Variants in STT3B observed in about 807,000 individuals in gnomAD.
STT3B encodes the protein dolichyl-diphosphooligosaccharide--protein glycosyltransferase subunit STT3B.
In STT3B, 29 loss-of-function variants were observed where a neutral mutation model predicts 96.8. The ratio of observed to expected loss-of-function variants is 0.30; its 90% confidence interval spans 0.22 to 0.41. STT3B has a LOEUF of 0.41. Among genes scored for constraint, STT3B ranks in the 10% least tolerant of loss-of-function variants. The pLI is 1.00. For synonymous variants in STT3B, 367 were observed against 360.0 expected (o/e 1.02, Z -0.22); for missense variants, 640 against 1,022.3 (o/e 0.63, Z 5.10).
intron 1 of STT3B, among the ~76,000 whole-genome samples, chr3:31,550,773 G>T (rs1300420288): frequency 2.0e-5 from 3 of 151,448 alleles, no homozygotes; most frequent in Non-Finnish European, 2.9e-5. Context: ...AATTTAGGCT[G>T]TTTTTTTCGT....
intron 4 of STT3B, among the ~76,000 whole-genome samples, chr3:31,599,328 G>A (rs1698871130): frequency 6.6e-6 from 1 of 152,098 alleles, no homozygotes; most frequent in Non-Finnish European, 1.5e-5. Flanking sequence ...GGCACATTCT[G>A]GGTAGTTGTA....
chr3:31,623,920 C>A, intron 11 of STT3B, 59 bp downstream of exon 11: 1 of 1,332,796 alleles, frequency 7.5e-7, no homozygotes, highest in South Asian at 1.5e-5. Context: ...TTCGTTGTCT[C>A]AAAGGATATA....
At chr3:31,566,747 T>G (rs979184860) in intron 1 of STT3B, among the ~76,000 whole-genome samples, 9 of 152,182 alleles carry the variant, frequency 5.9e-5, no homozygotes, top group Non-Finnish European at 1.0e-4. Flanking sequence ...TTTTACTCTT[T>G]TATTTATCTG....
Position 31,623,939 on chromosome 3 carries a change from A to G in STT3B, c.1727+78A>G, listed in dbSNP as rs1399543084. On this transcript the variant is annotated intron_variant, in intron 11 of 15. Transcript: ENST00000295770. Reference sequence around the variant, plus strand: ...TTGTCTCAAAGGATATAATTAAAAAATAGAATGTTGTTTGTGAGATTCTGC... The same window carrying G: ...TTGTCTCAAAGGATATAATTAAAAAGTAGAATGTTGTTTGTGAGATTCTGC... 3.3e-5 allele frequency: 41 copies of G among 1,236,960 alleles called. 1 individual carries two copies. In the South Asian group the frequency reaches 6.0e-4, roughly 18 times the overall value. The allele number at this position is 1,236,960 out of a possible 1,614,324, so 76.6% of individuals were successfully genotyped here. A position where few individuals can be genotyped will look rare whatever the true frequency, so the allele number is the denominator to read the frequency against.
At chr3:31,543,279 A>G (rs927359345) in intron 1 of STT3B, among the ~76,000 whole-genome samples, 2 of 152,230 alleles carry the variant, frequency 1.3e-5, no homozygotes, top group East Asian at 3.9e-4. Flanking sequence ...ACTCAAGGAG[A>G]CTTAAGTTAT....
chr3:31,622,328 G>A lies in STT3B; in HGVS notation c.1539+20G>A. 3 of 1,592,080 alleles carry A rather than the reference G, an allele frequency of 1.9e-6. No homozygotes were observed. Among genetic ancestry groups the A allele is most frequent in the Middle Eastern group, 1.7e-4 (1 of 6,020 alleles). On this transcript the variant is annotated intron_variant, in intron 10 of 15. Transcript: ENST00000295770. Reference sequence around the variant, plus strand: ...GATAAGGTGGGGAATCTAAAGTAAGGCCTTTAAATTGTCTATGTCCTTTCT... The same window carrying A: ...GATAAGGTGGGGAATCTAAAGTAAGACCTTTAAATTGTCTATGTCCTTTCT...
At chr3:31,534,389 G>A (rs1264616223) in intron 1 of STT3B, among the ~76,000 whole-genome samples, 1 of 152,130 alleles carries the variant, frequency 6.6e-6, no homozygotes, top group Non-Finnish European at 1.5e-5. Flanking sequence ...TGCCCAACCC[G>A]AGTTAGGATT....
At chr3:31,627,550 A>G (rs951971459) in intron 13 of STT3B, among the ~76,000 whole-genome samples, 4 of 152,240 alleles carry the variant, frequency 2.6e-5, no homozygotes, top group African/African-American at 4.8e-5. Context: ...TGAAGGCACA[A>G]AAGATAAGAG....
intron 1 of STT3B, among the ~76,000 whole-genome samples, chr3:31,549,043 A>T (rs927186153): frequency 2.6e-5 from 4 of 151,470 alleles, no homozygotes; most frequent in Non-Finnish European, 5.9e-5. Context: ...TAAGATTTTA[A>T]TTTTTTTTTA....
At chr3:31,611,422 A>G (rs1197956212) in intron 5 of STT3B, among the ~76,000 whole-genome samples, 2 of 152,234 alleles carry the variant, frequency 1.3e-5, no homozygotes, top group Non-Finnish European at 2.9e-5. Flanking sequence ...TTGAAGAGGT[A>G]ATTTCTAAAC....
At chr3:31,601,295 A>G (rs1698921844) in intron 5 of STT3B, among the ~76,000 whole-genome samples, 1 of 152,230 alleles carries the variant, frequency 6.6e-6, no homozygotes. Context: ...AAAAATGAAG[A>G]CAACCCAAAT....
At chr3:31,587,617 T>C (rs1349874860) in intron 3 of STT3B, among the ~76,000 whole-genome samples, 1 of 152,106 alleles carries the variant, frequency 6.6e-6, no homozygotes, top group Non-Finnish European at 1.5e-5. Flanking sequence ...TATTGCTGAA[T>C]AATATTCCAG....
intron 3 of STT3B, among the ~76,000 whole-genome samples, chr3:31,594,697 G>A (rs762267890): frequency 1.3e-5 from 2 of 152,186 alleles, no homozygotes; most frequent in African/African-American, 2.4e-5. Flanking sequence ...TGGAATTACA[G>A]GCATGAGCCA....
intron 15 of STT3B, 133 bp from the exon 16 acceptor site, chr3:31,635,851 T>C: frequency 1.7e-6 from 1 of 604,718 alleles, no homozygotes; most frequent in South Asian, 2.6e-5. Flanking sequence ...CACTGAACTA[T>C]TCAAGGAATC....
At chr3:31,624,687 T>TA (rs1403151315) in intron 11 of STT3B, among the ~76,000 whole-genome samples, 1 of 146,456 alleles carries the variant, frequency 6.8e-6, no homozygotes, top group Non-Finnish European at 1.5e-5. Context: ...TTTTTTTTTT[T>TA]AAATACAAGA....
intron 1 of STT3B, among the ~76,000 whole-genome samples, chr3:31,555,495 T>C (rs1447951440): frequency 1.3e-5 from 2 of 152,222 alleles, no homozygotes; most frequent in South Asian, 4.1e-4. Flanking sequence ...TTTCTTTCTT[T>C]TTCTCCTTGA....
chr3:31,596,985 C>T, intron 4 of STT3B, 122 bp downstream of exon 4: 1 of 726,334 alleles, frequency 1.4e-6, no homozygotes, highest in East Asian at 2.6e-5. Context: ...TTACTACCAT[C>T]CTCTTTCCTT....
chr3:31,605,362 A>G (rs1301905224), intron 5 of STT3B, among the ~76,000 whole-genome samples: 1 of 152,132 alleles, frequency 6.6e-6, no homozygotes, highest in African/African-American at 2.4e-5. Context: ...TTGATAATAA[A>G]TGTTGATATG....
intron 5 of STT3B, among the ~76,000 whole-genome samples, chr3:31,601,385 A>G (rs1332921552): frequency 6.6e-6 from 1 of 152,248 alleles, no homozygotes; most frequent in Admixed American, 6.5e-5. Flanking sequence ...GGAATAAAAT[A>G]CTGATATATG....
Sources: allele counts gnomAD v4.1 joint callset (sites outside exome capture counted in the v4.1 genomes callset), GRCh38; gene constraint gnomAD v4.1.1; transcripts MANE v1.5; gene names NCBI Gene and HGNC (gene_info 2026-07-23, HGNC 2026-07-21).